MED8: variants seen among roughly 807,000 people sequenced by gnomAD.
The protein encoded by MED8 is mediator complex subunit 8, also known as mediator of RNA polymerase II transcription subunit 8.
MED8 carries 22 observed loss-of-function variants against 34.8 expected under a neutral mutation model. That is an observed-to-expected ratio of 0.63 (90% CI 0.45 to 0.90). The LOEUF (loss-of-function observed/expected upper bound fraction) is 0.90. MED8 is among the 40% of genes least tolerant of loss of function. The pLI is 0.00. For missense variants in MED8, 260 were observed against 326.3 expected, an observed-to-expected ratio of 0.80 and a Z score of 1.57; for synonymous variants, 105 against 120.2, an observed-to-expected ratio of 0.87 and a Z score of 0.83.
In MED8 at chr1:43,389,782, C is replaced by T. The variant is rs1440864194; in HGVS notation, c.-18G>A. On this transcript the variant is annotated 5_prime_UTR_variant, in exon 1 of 7. Transcript: ENST00000372457. ...ACCTGCATTGCGGCGGCCGAGGCGG[C>T]TGCCACGATTTCACTTCCGGTTTTC... The T allele has an allele frequency of 1.2e-6, 2 of 1,609,830 alleles. No individual in the cohort carries two copies. The highest frequency in any genetic ancestry group is 4.5e-5 in the East Asian group (2 of 44,404).
chr1:43,384,903 A>AGTG lies in MED8; in HGVS notation c.*136_*138dup. The stretch of plus-strand genomic sequence containing the variant: ...CTTGTCCAAGGTCACACAGCTAGTC[A>AGTG]GTGGTGGAAGTGGGATTTGTCTGCT... On this transcript the variant is annotated 3_prime_UTR_variant, in exon 7 of 7. Transcript: ENST00000372457. 7.0e-7 allele frequency: 1 copy of AGTG among 1,432,696 alleles called. No homozygotes were observed. 88.7% of individuals were successfully genotyped at this position (1,432,696 alleles called of 1,614,324 possible).
Position 43,386,429 on chromosome 1 carries a change from C to A in MED8, c.493+160G>T. On this transcript the variant is annotated intron_variant, in intron 5 of 6. Transcript: ENST00000372457. The surrounding 1 kb of genome is among the most constrained non-coding windows in gnomAD (Gnocchi z 4.9). ...CTTACTTTGCCCATTTCCTCCACTG[C>A]TTCAGTGCTGGCCTTAAATACAAAA... 9.6e-7 allele frequency: 1 copy of A among 1,037,584 alleles called. No individual in the cohort carries two copies. Among genetic ancestry groups the A allele is most frequent in the African/African-American group, 1.6e-5 (1 of 62,280 alleles). The allele number at this position is 1,037,584 out of a possible 1,614,324, so 64.3% of individuals were successfully genotyped here. A position where few individuals can be genotyped will look rare whatever the true frequency, so the allele number is the denominator to read the frequency against.
At chr1:43,385,142 G>T (rs747750343) in intron 6 of MED8, 36 bp from the exon 7 acceptor site, 1 of 1,549,052 alleles carries the variant, frequency 6.5e-7, no homozygotes, top group Non-Finnish European at 8.7e-7. Flanking sequence ...CTTAAGCAAG[G>T]TAAGACTTTC....
chr1:43,387,747 C>CA lies in MED8; in HGVS notation c.126-101_126-100insT, dbSNP rs1647784113. The CA allele has an allele frequency of 8.0e-6, 11 of 1,376,600 alleles. No homozygotes were observed. In the East Asian group the frequency reaches 2.5e-4, roughly 32 times the overall value. 85.3% of individuals were successfully genotyped at this position (1,376,600 alleles called of 1,614,324 possible). A position where few individuals can be genotyped will look rare whatever the true frequency, so the allele number is the denominator to read the frequency against. ...TTCAGGCTAGGAACACTTGGATTCA[C>CA]CTCCAAAAGTCTCATAGCCCTATGA... On this transcript the variant is annotated intron_variant, in intron 2 of 6. Coordinates refer to ENST00000372457, the MANE Select transcript of MED8 (RefSeq NM_201542.5).
In MED8 at chr1:43,386,707, T is replaced by A. The variant is rs1647746089; in HGVS notation, c.412-37A>T. 1 of 1,595,062 alleles carries A rather than the reference T, an allele frequency of 6.3e-7. No individual in the cohort carries two copies. The highest frequency in any genetic ancestry group is 8.5e-7 in the Non-Finnish European group (1 of 1,169,926). On this transcript the variant is annotated intron_variant, in intron 4 of 6. Transcript: ENST00000372457. The surrounding 1 kb of genome is among the most constrained non-coding windows in gnomAD (Gnocchi z 4.9). ...AAATTTGTGCAGAGATTAGGGTAAC[T>A]AGGAAACGATATGGAGAAATTTATT... is the stretch of plus-strand genomic sequence containing the variant.
At chr1:43,387,157 T>G (rs1046959936) in intron 3 of MED8, among the ~76,000 whole-genome samples, 159 bp from the exon 4 acceptor site, 1 of 152,142 alleles carries the variant, frequency 6.6e-6, no homozygotes, top group Non-Finnish European at 1.5e-5. Context: ...CTTTACTCCA[T>G]CCTTCATTTT....
Position 43,384,614 on chromosome 1 carries a change from A to T in MED8, c.*428T>A. 6.5e-7 allele frequency: 1 copy of T among 1,530,388 alleles called. No homozygotes were observed. Among genetic ancestry groups the T allele is most frequent in the Non-Finnish European group, 8.8e-7 (1 of 1,140,966 alleles). The allele number at this position is 1,530,388 out of a possible 1,614,324, so 94.8% of individuals were successfully genotyped here. A position where few individuals can be genotyped will look rare whatever the true frequency, so the allele number is the denominator to read the frequency against. On this transcript the variant is annotated 3_prime_UTR_variant, in exon 7 of 7. Transcript: ENST00000372457. The stretch of plus-strand genomic sequence containing the variant: ...GCTACAGTTTCTGGCAGCACAAAAT[A>T]AGCATAGCCTTATTTGATCTTGTGT...
Position 43,384,250 on chromosome 1 carries a change from A to C in MED8, c.*792T>G. 1.8e-6 allele frequency: 1 copy of C among 569,674 alleles called. No homozygotes were observed. The highest frequency in any genetic ancestry group is 2.9e-6 in the Non-Finnish European group (1 of 340,560). 35.3% of individuals were successfully genotyped at this position (569,674 alleles called of 1,614,324 possible). A position where few individuals can be genotyped will look rare whatever the true frequency, so the allele number is the denominator to read the frequency against. ...GCAATTCCCTTCTCCCTCCAAAATA[A>C]GAAACATGAATCCAGGGGAAGGGGC... On this transcript the variant is annotated 3_prime_UTR_variant, in exon 7 of 7. Transcript: ENST00000372457.
chr1:43,385,052 T>C lies in MED8; in HGVS notation c.797A>G (p.Tyr266Cys). ...TNIKSASMHPYQR is the reference protein window; with the variant it reads ...TNIKSASMHPCQR ...GGTTGCCAGCCACACTCACCGCTGG[T>C]AGGGATGCATGGAAGCCGACTTGAT... is the stretch of plus-strand genomic sequence containing the variant. The change falls in exon 7 of 7, where the codon TAC becomes TGC. Residue 266 changes from tyrosine (Y) to cysteine (C), a missense_variant. Physicochemically the swap from Tyr to Cys is radical, Grantham distance 194 (BLOSUM62 -2). Transcript: ENST00000372457. 1.9e-6 allele frequency: 3 copies of C among 1,556,872 alleles called. No homozygotes were observed. The highest frequency in any genetic ancestry group is 1.2e-5 in the South Asian group (1 of 84,286).
In MED8 at chr1:43,388,420, C is replaced by A; in HGVS notation, c.15G>T (p.Glu5Asp). 6.2e-7 allele frequency: 1 copy of A among 1,613,450 alleles called. No homozygotes were observed. The highest frequency in any genetic ancestry group is 8.5e-7 in the Non-Finnish European group (1 of 1,179,876). Reference sequence around the variant, plus strand: ...CATCTAATGATGCCTCAAGCTGCTTCTCCTCTCTCTGCACCAATAGGAACA... The same window carrying A: ...CATCTAATGATGCCTCAAGCTGCTTATCCTCTCTCTGCACCAATAGGAACA... MQRE[E>D]KQLEASLDAL... The change falls in exon 2 of 7, where the codon GAG (glutamate) becomes GAT (aspartate). Residue 5 changes from glutamate (E) to aspartate (D), a missense_variant. By Grantham distance (45) the Glu-to-Asp change is conservative. Transcript: ENST00000372457.
intron 1 of MED8, chr1:43,388,644 C>T: frequency 1.6e-6 from 1 of 629,330 alleles, no homozygotes; most frequent in Non-Finnish European, 2.6e-6. Context: ...CCAAGTCCTT[C>T]CACCAACTGA....
intron 3 of MED8, 23 bp downstream of exon 3, chr1:43,387,480 T>C (rs1647774312): frequency 1.9e-6 from 3 of 1,612,238 alleles, no homozygotes; most frequent in African/African-American, 2.7e-5. Context: ...ATTTCCCAAG[T>C]TGTATTCTTT....
intron 1 of MED8, 84 bp downstream of exon 1, chr1:43,389,675 A>G (rs1286890719): frequency 1.3e-6 from 2 of 1,563,960 alleles, no homozygotes; most frequent in East Asian, 2.5e-5. Flanking sequence ...CTCAGTCCCA[A>G]CTCTTCATTC....
At position 43,386,591 on chromosome 1, in the gene MED8, C is replaced by T; in HGVS notation, c.491G>A (p.Gly164Glu). 1 of 1,611,224 alleles carries T rather than the reference C, an allele frequency of 6.2e-7. No homozygotes were observed. Among genetic ancestry groups the T allele is most frequent in the Non-Finnish European group, 8.5e-7 (1 of 1,178,600 alleles). The change falls in exon 5 of 7, where the codon GGA (glycine) becomes GAA (glutamate). Residue 164 changes from glycine (G) to glutamate (E), a missense_variant and splice_region_variant. By Grantham distance (98) the Gly-to-Glu change is moderately conservative (BLOSUM62 -2). Transcript: ENST00000372457. This position sits in a 1 kb window ranked among gnomAD's most constrained non-coding sequence, Gnocchi z 4.9. ...TTTAGCCACCAGTCCCATCATACCT[C>T]CACTCTCTGATTCTCGCTCCTCTTT... The part of the protein sequence containing the change: ...ISKEERESES[G>E]GLRPNKQTFN...
At chr1:43,387,703 G>T in intron 2 of MED8, 56 bp from the exon 3 acceptor site, 1 of 1,597,462 alleles carries the variant, frequency 6.3e-7, no homozygotes, top group Non-Finnish European at 8.6e-7. Flanking sequence ...GTGGTTCTTA[G>T]TAAAATAGTC....
intron 2 of MED8, among the ~76,000 whole-genome samples, chr1:43,387,944 G>A (rs1376543317): frequency 1.3e-5 from 2 of 152,170 alleles, no homozygotes; most frequent in African/African-American, 2.4e-5. Context: ...TTCAGAAACC[G>A]GGTAAAAGCC....
At chr1:43,389,536 C>A (rs1332396255) in intron 1 of MED8, among the ~76,000 whole-genome samples, 1 of 152,174 alleles carries the variant, frequency 6.6e-6, no homozygotes, top group Non-Finnish European at 1.5e-5. Context: ...CCTCCTCCCT[C>A]CGGATTTAGC....
In MED8 at chr1:43,389,615, T is replaced by G. The variant is rs994446940; in HGVS notation, c.6+144A>C. 1.1e-5 allele frequency: 14 copies of G among 1,306,626 alleles called. No homozygotes were observed. In the African/African-American group the frequency reaches 2.2e-4, roughly 20 times the overall value. The allele number at this position is 1,306,626 out of a possible 1,614,324, so 80.9% of individuals were successfully genotyped here. ...GCCGCCGCTCCCGCTCCAATTAGCCTCGCCCCCCAGCCCACATTCCCTTAT... is the reference window on the plus strand; with the variant it reads ...GCCGCCGCTCCCGCTCCAATTAGCCGCGCCCCCCAGCCCACATTCCCTTAT... On this transcript the variant is annotated intron_variant, in intron 1 of 6. Transcript: ENST00000372457.
chr1:43,387,799 G>C (rs1225861198), intron 2 of MED8, 152 bp from the exon 3 acceptor site: 1 of 759,366 alleles, frequency 1.3e-6, no homozygotes, highest in Non-Finnish European at 2.2e-6. Context: ...CAGACTAACA[G>C]GGATGACAGG....
Sources: gnomAD v4.1 joint callset for allele counts (sites outside exome capture counted in the v4.1 genomes callset) on GRCh38, gnomAD v4.1.1 for gene constraint, Gnocchi (gnomAD v3.1) non-coding constraint, MANE v1.5 for transcripts, NCBI Gene and HGNC (gene_info 2026-07-23, HGNC 2026-07-21) for gene names.